PCP4: variants seen among roughly 807,000 people sequenced by gnomAD.
The protein encoded by PCP4 is Purkinje cell protein 4.
PCP4 carries 8 observed loss-of-function variants against 10.0 expected under a neutral mutation model. That is an observed-to-expected ratio of 0.80 (90% CI 0.47 to 1.45). The LOEUF is 1.45. Among genes scored for constraint, PCP4 ranks in the 40% most tolerant of loss-of-function variants. PCP4 has a pLI of 0.00. For synonymous variants in PCP4, 21 were observed against 23.0 expected (o/e 0.91, Z 0.24); for missense variants, 54 against 74.4 (o/e 0.73, Z 1.01).
chr21:39,897,065 C>T (rs995761458), intron 1 of PCP4, among the ~76,000 whole-genome samples: 1 of 152,116 alleles, frequency 6.6e-6, no homozygotes, highest in Admixed American at 6.5e-5. Flanking sequence ...GCAAGTCATG[C>T]TCCCTACCTC....
Position 39,906,652 on chromosome 21 carries a change from G to A in PCP4, c.61+8125G>A, listed in dbSNP as rs1444607276. ...ATCCTTTTCTTCCTTCTTTCTTTTTGAGATTGAGCAGTGGACAGCTTTAGA... is the reference window on the plus strand; with the variant it reads ...ATCCTTTTCTTCCTTCTTTCTTTTTAAGATTGAGCAGTGGACAGCTTTAGA... On this transcript the variant is annotated intron_variant, in intron 2 of 2. Coordinates refer to ENST00000328619, the MANE Select transcript of PCP4 (RefSeq NM_006198.3). The surrounding 1 kb of genome is among the most constrained non-coding windows in gnomAD (Gnocchi z 6.3). Among the ~76,000 whole-genome samples the A allele has an allele frequency of 1.4e-5, 2 of 147,144 alleles. No individual in the cohort carries two copies. The highest frequency in any genetic ancestry group is 5.0e-5 in the African/African-American group (2 of 39,696).
rs2087638266 is a variant in PCP4, at chr21:39,929,016, A to G, written c.94A>G (p.Ile32Val). The G allele has an allele frequency of 1.2e-6, 2 of 1,612,962 alleles. No homozygotes were observed. The highest frequency in any genetic ancestry group is 2.2e-5 in the East Asian group (1 of 44,840). ...GQKKVQEEFDIDMDAPETERA... is the reference protein window; with the variant it reads ...GQKKVQEEFDVDMDAPETERA... ...GAAGAAAGTTCAAGAAGAATTTGAC[A>G]TTGACATGGATGCACCAGAGACAGA... Residue 32 changes from isoleucine (I) to valine (V), a missense_variant, in exon 3 of 3, where the codon ATT becomes GTT. Physicochemically the swap from Ile to Val is conservative, Grantham distance 29. Transcript: ENST00000328619.
At chr21:39,920,116 G>A (rs1198154656) in intron 2 of PCP4, among the ~76,000 whole-genome samples, 1 of 143,644 alleles carries the variant, frequency 7.0e-6, no homozygotes, top group African/African-American at 2.6e-5. Flanking sequence ...GTCTGTGTGT[G>A]GGGTGTTTGT....
At chr21:39,884,982 T>C (rs1043922773) in intron 1 of PCP4, among the ~76,000 whole-genome samples, 3 of 152,242 alleles carry the variant, frequency 2.0e-5, no homozygotes, top group Non-Finnish European at 4.4e-5. Context: ...GAGTATAGCA[T>C]GATCATATCA....
At chr21:39,918,421 C>T (rs1029133708) in intron 2 of PCP4, among the ~76,000 whole-genome samples, 2 of 152,074 alleles carry the variant, frequency 1.3e-5, no homozygotes, top group African/African-American at 2.4e-5. Context: ...TCAGAGTAAA[C>T]TCTTACTTTT....
At chr21:39,897,618 C>T (rs2087463230) in intron 1 of PCP4, among the ~76,000 whole-genome samples, 1 of 151,930 alleles carries the variant, frequency 6.6e-6, no homozygotes, top group Non-Finnish European at 1.5e-5. Flanking sequence ...TTAAGTCTAA[C>T]CTTAAAAGAC....
At chr21:39,869,094 T>C (rs1038346755) in intron 1 of PCP4, among the ~76,000 whole-genome samples, 2 of 152,172 alleles carry the variant, frequency 1.3e-5, no homozygotes, top group Non-Finnish European at 2.9e-5. Context: ...TGGTTTTTCT[T>C]TATATACAAC....
At chr21:39,875,505 C>A (rs1407365226) in intron 1 of PCP4, among the ~76,000 whole-genome samples, 1 of 152,296 alleles carries the variant, frequency 6.6e-6, no homozygotes, top group African/African-American at 2.4e-5. Flanking sequence ...TAGCAACAAG[C>A]AAAACTTCAA....
chr21:39,867,617 A>G (rs761501592), intron 1 of PCP4, 107 bp downstream of exon 1: 1 of 1,023,934 alleles, frequency 9.8e-7, no homozygotes, highest in Non-Finnish European at 1.6e-6. Flanking sequence ...TGAGGAACAA[A>G]TTAATCCTGT....
At chr21:39,892,959 C>G (rs187701640) in intron 1 of PCP4, among the ~76,000 whole-genome samples, 1 of 152,256 alleles carries the variant, frequency 6.6e-6, no homozygotes, top group African/African-American at 2.4e-5. Flanking sequence ...ATTGCATATT[C>G]TTACGTACTT....
intron 2 of PCP4, among the ~76,000 whole-genome samples, chr21:39,922,045 T>A (rs1249513695): frequency 6.6e-6 from 1 of 152,136 alleles, no homozygotes; most frequent in Admixed American, 6.5e-5. Flanking sequence ...AGAGACAGGA[T>A]CTCACTATGT....
At chr21:39,903,598 G>T (rs533021921) in intron 2 of PCP4, among the ~76,000 whole-genome samples, 60 of 152,212 alleles carry the variant, frequency 3.9e-4, no homozygotes, top group Non-Finnish European at 6.9e-4. Context: ...GCTGGGCGCG[G>T]TGGCTCACGC....
Position 39,906,045 on chromosome 21 carries a change from G to A in PCP4, c.61+7518G>A, listed in dbSNP as rs145110543. 6.2e-4 allele frequency among the ~76,000 whole-genome samples: 94 copies of A among 152,270 alleles called. No individual in the cohort carries two copies. The highest frequency in any genetic ancestry group is 2.1e-3 in the African/African-American group (86 of 41,570). On this transcript the variant is annotated intron_variant, in intron 2 of 2. Transcript: ENST00000328619. This position sits in a 1 kb window ranked among gnomAD's most constrained non-coding sequence, Gnocchi z 6.3. ...AACCTGGGTGACAGAGCGAGACTCC[G>A]TCTCAAAATGCTCCCCCATGCTGTC...
chr21:39,888,315 G>A (rs1426230845), intron 1 of PCP4, among the ~76,000 whole-genome samples: 1 of 152,224 alleles, frequency 6.6e-6, no homozygotes, highest in Non-Finnish European at 1.5e-5. Context: ...GGAACGGGGG[G>A]CAAAATTTTA....
At chr21:39,920,067 TTG>T (rs371640949) in intron 2 of PCP4, among the ~76,000 whole-genome samples, 6 of 123,822 alleles carry the variant, frequency 4.8e-5, no homozygotes, top group East Asian at 5.1e-4. Flanking sequence ...TAGGGTGTGT[TTG>T]TGTGTGTGTG....
intron 1 of PCP4, among the ~76,000 whole-genome samples, chr21:39,873,865 G>A (rs574818980): frequency 6.6e-6 from 1 of 152,268 alleles, no homozygotes; most frequent in African/African-American, 2.4e-5. Flanking sequence ...CCAGGCATGG[G>A]TCTGCTTGTA....
intron 2 of PCP4, among the ~76,000 whole-genome samples, chr21:39,911,114 T>G (rs576887043): frequency 6.6e-6 from 1 of 152,196 alleles, no homozygotes; most frequent in South Asian, 2.1e-4. Context: ...ATATCGCACA[T>G]GAGTCCACAG....
chr21:39,868,586 G>A (rs534823128), intron 1 of PCP4, among the ~76,000 whole-genome samples: 2 of 152,258 alleles, frequency 1.3e-5, no homozygotes, highest in East Asian at 1.9e-4. Flanking sequence ...ACAATCAATG[G>A]TACCTGTAAC....
intron 1 of PCP4, among the ~76,000 whole-genome samples, chr21:39,887,620 C>T (rs1322805914): frequency 6.6e-6 from 1 of 152,110 alleles, no homozygotes; most frequent in Non-Finnish European, 1.5e-5. Context: ...CCTGAGAATC[C>T]ATTTGCTTAA....
Sources: gnomAD v4.1 joint callset for allele counts (sites outside exome capture counted in the v4.1 genomes callset) on GRCh38, gnomAD v4.1.1 for gene constraint, Gnocchi (gnomAD v3.1) non-coding constraint, MANE v1.5 for transcripts, NCBI Gene and HGNC (gene_info 2026-07-23, HGNC 2026-07-21) for gene names.